The following TENM2 variants were observed in gnomAD, a reference collection of about 807,000 sequenced individuals.
The protein encoded by TENM2 is teneurin transmembrane protein 2.
A neutral mutation model predicts 245.2 loss-of-function variants in TENM2; 52 were observed. That is an observed-to-expected ratio of 0.21 (90% CI 0.17 to 0.27). TENM2 has a LOEUF of 0.27. TENM2 is among the 10% of genes least tolerant of loss of function. The pLI, the probability that TENM2 is intolerant of heterozygous loss-of-function variation, is 1.00. For missense variants in TENM2, 3,046 were observed against 3,666.8 expected (o/e 0.83, Z 4.37); for synonymous variants, 1,363 against 1,438.9 (o/e 0.95, Z 1.19).
At chr5:167,876,874 C>A (rs1169811830) in intron 3 of TENM2, among the ~76,000 whole-genome samples, 1 of 152,008 alleles carries the variant, frequency 6.6e-6, no homozygotes, top group Non-Finnish European at 1.5e-5. Flanking sequence ...GAAACTGGAC[C>A]CAAGATCCTG....
At chr5:168,115,847 C>T (rs148886801) in intron 9 of TENM2, among the ~76,000 whole-genome samples, 157 of 152,226 alleles carry the variant, frequency 1.0e-3, no homozygotes, top group South Asian at 2.1e-3. Context: ...ACTGCATTGA[C>T]GGTTTCGAGG....
chr5:167,226,257 G>A, the TENM2 span, among the ~76,000 whole-genome samples: 3 of 144,500 alleles, frequency 2.1e-5, no homozygotes, highest in African/African-American at 8.2e-5. Flanking sequence ...TTTTAAATTT[G>A]CAATATCCCT....
intron 8 of TENM2, among the ~76,000 whole-genome samples, chr5:168,095,851 A>G (rs926155569): frequency 6.6e-6 from 1 of 152,122 alleles, no homozygotes; most frequent in Non-Finnish European, 1.5e-5. Context: ...GAGACAAGGG[A>G]CTTTATTACT....
At chr5:168,022,888 G>A (rs903846966) in intron 5 of TENM2, among the ~76,000 whole-genome samples, 8 of 152,076 alleles carry the variant, frequency 5.3e-5, no homozygotes, top group Admixed American at 1.3e-4. Flanking sequence ...ATTCTGCCCC[G>A]CTCGAAGCCA....
intron 2 of TENM2, among the ~76,000 whole-genome samples, chr5:167,645,832 A>G (rs1779891923): frequency 6.6e-6 from 1 of 151,996 alleles, no homozygotes; most frequent in Admixed American, 6.6e-5. Flanking sequence ...GCAAATATAT[A>G]CACACACCTA....
chr5:168,169,244 C>A (rs1758580517), intron 13 of TENM2, among the ~76,000 whole-genome samples: 1 of 152,158 alleles, frequency 6.6e-6, no homozygotes, highest in African/African-American at 2.4e-5. Context: ...GATCAGTAAC[C>A]CGTGGTAGAG....
intron 3 of TENM2, among the ~76,000 whole-genome samples, chr5:167,912,616 G>A (rs935164889): frequency 3.9e-5 from 6 of 152,132 alleles, no homozygotes; most frequent in Admixed American, 3.3e-4. Context: ...GCTCCTGAAG[G>A]GAAGGGCACA....
chr5:167,463,984 C>T (rs1478406591), intron 2 of TENM2, among the ~76,000 whole-genome samples: 1 of 152,128 alleles, frequency 6.6e-6, no homozygotes, highest in Non-Finnish European at 1.5e-5. Context: ...GAGTTTGAGT[C>T]TCACTGAAAT....
rs1776290699 is a variant in TENM2, at chr5:167,597,260, TTTCAAGTGATTCTCCTG to T, written c.502+221788_502+221804del. 4.0e-5 allele frequency among the ~76,000 whole-genome samples: 6 copies of T among 151,316 alleles called. No individual in the cohort carries two copies. In the South Asian group the frequency reaches 1.3e-3, roughly 32 times the overall value. The stretch of plus-strand genomic sequence containing the variant: ...GCTCACTGCAATCTCCACCTCCTAG[TTTCAAGTGATTCTCCTG>T]CCTCAGCCTCCTGAGTAGCTGGGAC... On this transcript the variant is annotated intron_variant, in intron 2 of 28. Transcript: ENST00000518659.
chr5:167,276,774 T>C, the TENM2 span, among the ~76,000 whole-genome samples: 1 of 152,140 alleles, frequency 6.6e-6, no homozygotes, highest in African/African-American at 2.4e-5. Context: ...TTTGTTATAC[T>C]GTATTGATTT....
At chr5:168,041,330 A>G (rs11952245) in intron 5 of TENM2, among the ~76,000 whole-genome samples, 52,089 of 151,938 alleles carry the variant, frequency 0.34, 10,547 homozygotes, top group African/African-American at 0.55. Flanking sequence ...GAAAAAGTAA[A>G]CGTTCATCTT....
At chr5:167,434,548 T>G (rs1301149671) in intron 2 of TENM2, among the ~76,000 whole-genome samples, 1 of 151,994 alleles carries the variant, frequency 6.6e-6, no homozygotes, top group Non-Finnish European at 1.5e-5. Flanking sequence ...AAGTATTTTA[T>G]ATTTCAGATG....
chr5:168,170,510 AAGAG>A (rs952342838), intron 13 of TENM2, among the ~76,000 whole-genome samples: 1 of 151,316 alleles, frequency 6.6e-6, no homozygotes, highest in African/African-American at 2.4e-5. Flanking sequence ...CCATCTCAAA[AAGAG>A]AGAGAGAGAG....
chr5:167,693,560 G>T (rs1023211434), intron 2 of TENM2, among the ~76,000 whole-genome samples: 5 of 151,488 alleles, frequency 3.3e-5, no homozygotes, highest in Non-Finnish European at 7.4e-5. Flanking sequence ...CTGGAAGACT[G>T]GGTAACTGTC....
chr5:167,569,411 A>T (rs1774133802), intron 2 of TENM2, among the ~76,000 whole-genome samples: 1 of 152,180 alleles, frequency 6.6e-6, no homozygotes, highest in Non-Finnish European at 1.5e-5. Flanking sequence ...TAATTTAAAC[A>T]TATATGGAAG....
chr5:167,702,552 G>GTGTGTGTA (rs58351767), intron 2 of TENM2, among the ~76,000 whole-genome samples: 3 of 136,782 alleles, frequency 2.2e-5, no homozygotes, highest in African/African-American at 8.6e-5. Flanking sequence ...GTGTGTGTGT[G>GTGTGTGTA]TATATATATA....
chr5:168,162,639 C>G (rs375715058), exon 13 of TENM2: 1 of 1,613,966 alleles, frequency 6.2e-7, no homozygotes, highest in Non-Finnish European at 8.5e-7. Flanking sequence ...GCAACGGTAA[C>G]GGGAGATGCA....
chr5:167,389,779 G>A (rs936812672), intron 2 of TENM2, among the ~76,000 whole-genome samples: 11 of 152,078 alleles, frequency 7.2e-5, no homozygotes, highest in Admixed American at 6.6e-5. Flanking sequence ...ACAGGCACAC[G>A]GAATCCTTGA....
chr5:167,523,822 G>A (rs547027288), intron 2 of TENM2, among the ~76,000 whole-genome samples: 5 of 152,178 alleles, frequency 3.3e-5, no homozygotes, highest in East Asian at 3.9e-4. Context: ...TTTTTCTTAC[G>A]AAGAAAAGAG....
Sources: gnomAD v4.1 joint callset for allele counts (sites outside exome capture counted in the v4.1 genomes callset) on GRCh38, gnomAD v4.1.1 for gene constraint, MANE v1.5 for transcripts, NCBI Gene and HGNC (gene_info 2026-07-23, HGNC 2026-07-21) for gene names.